The following ITGAV variants were observed in gnomAD, a reference collection of about 807,000 sequenced individuals.
The protein encoded by ITGAV is integrin alpha-V.
A neutral mutation model predicts 143.8 loss-of-function variants in ITGAV; 76 were observed. That is an observed-to-expected ratio of 0.53 (90% confidence interval 0.44 to 0.64). The LOEUF (loss-of-function observed/expected upper bound fraction) is 0.64. Among genes scored for constraint, ITGAV ranks in the 30% least tolerant of loss-of-function variants. The pLI is 0.00. For synonymous variants in ITGAV, 453 were observed against 446.7 expected, an observed-to-expected ratio of 1.01 and a Z score of -0.18; for missense variants, 1,193 against 1,274.7, an observed-to-expected ratio of 0.94 and a Z score of 0.98.
intron 12 of ITGAV, among the ~76,000 whole-genome samples, chr2:186,644,006 C>T (rs1331249988): frequency 1.3e-5 from 2 of 152,144 alleles, no homozygotes; most frequent in African/African-American, 4.8e-5. Context: ...TGCAGTGGTA[C>T]AATCACAGCT....
chr2:186,592,544 A>G (rs1686642201), intron 1 of ITGAV, among the ~76,000 whole-genome samples: 1 of 151,600 alleles, frequency 6.6e-6, no homozygotes, highest in Admixed American at 6.6e-5. Context: ...GTTTAGTGTA[A>G]GATAAATGAG....
At chr2:186,648,932 T>TTGTATATATATACATTTGTGTG (rs1688340008) in intron 13 of ITGAV, among the ~76,000 whole-genome samples, 3 of 148,734 alleles carry the variant, frequency 2.0e-5, no homozygotes, top group African/African-American at 7.4e-5. Context: ...ATATATACAT[T>TTGTATATATATACATTTGTGTG]TGTATATATA....
Position 186,675,842 on chromosome 2 carries a change from A to T in ITGAV, c.2843A>T (p.Tyr948Phe), listed in dbSNP as rs768433078. 3 of 1,605,544 alleles carry T rather than the reference A, an allele frequency of 1.9e-6. No individual in the cohort carries two copies. Among genetic ancestry groups the T allele is most frequent in the Non-Finnish European group, 2.6e-6 (3 of 1,174,494 alleles). The change falls in exon 28 of 30, where the codon TAT (tyrosine) becomes TTT (phenylalanine). Residue 948 changes from tyrosine (Y) to phenylalanine (F), a missense_variant. Physicochemically the swap from Tyr to Phe is conservative, Grantham distance 22. Transcript: ENST00000261023. ...CAGAAAGAAAATCAGAATCATTCCT[A>T]TTCTCTGAAGTCGTCTGCTTCATTT... ...FMNKENQNHS[Y>F]SLKSSASFNV... is the part of the protein sequence containing the mutation.
chr2:186,616,427 C>T (rs1235386671), intron 2 of ITGAV, among the ~76,000 whole-genome samples: 2 of 151,332 alleles, frequency 1.3e-5, no homozygotes, highest in Non-Finnish European at 2.9e-5. Context: ...TACAGGCGCC[C>T]GCCAGCACGC....
chr2:186,638,376 C>T (rs899011476), intron 9 of ITGAV, 33 bp from the exon 10 acceptor site: 2 of 1,604,284 alleles, frequency 1.2e-6, no homozygotes, highest in Admixed American at 1.7e-5. Context: ...TCTATTTTAC[C>T]AGATTTCACA....
Position 186,669,833 on chromosome 2 carries a change from A to G in ITGAV, c.2706+19A>G, listed in dbSNP as rs376794316. 9 of 1,469,804 alleles carry G rather than the reference A, an allele frequency of 6.1e-6. No individual in the cohort carries two copies. In the African/African-American group the frequency reaches 1.2e-4, roughly 20 times the overall value. The allele number at this position is 1,469,804 out of a possible 1,614,324, so 91.0% of individuals were successfully genotyped here. A position where few individuals can be genotyped will look rare whatever the true frequency, so the allele number is the denominator to read the frequency against. ...CACTTTGGTAAGTGCCATTTCAAAT[A>G]TGTGCACCATAGACATTTAAAAATA... On this transcript the variant is annotated intron_variant, in intron 26 of 29. Coordinates refer to ENST00000261023, the MANE Select transcript of ITGAV (RefSeq NM_002210.5).
intron 26 of ITGAV, 108 bp from the exon 27 acceptor site, chr2:186,675,496 G>T: frequency 4.2e-6 from 3 of 722,170 alleles, no homozygotes; most frequent in Non-Finnish European, 2.4e-6. Flanking sequence ...GAAGAATCTG[G>T]ATAATCTCTT....
intron 2 of ITGAV, among the ~76,000 whole-genome samples, chr2:186,618,552 A>G (rs534909053): frequency 5.9e-5 from 9 of 152,360 alleles, no homozygotes; most frequent in South Asian, 2.1e-4. Flanking sequence ...TTGCAAGCCT[A>G]TGCTGCTTGA....
chr2:186,616,336 T>C (rs1687359497), intron 2 of ITGAV, among the ~76,000 whole-genome samples: 1 of 141,016 alleles, frequency 7.1e-6, no homozygotes, highest in Non-Finnish European at 1.5e-5. Context: ...TGGAGTGCAG[T>C]GGCACGATCT....
intron 28 of ITGAV, 90 bp from the exon 29 acceptor site, chr2:186,676,723 T>G: frequency 2.3e-6 from 3 of 1,331,950 alleles, no homozygotes; most frequent in Non-Finnish European, 3.1e-6. Flanking sequence ...TACTGTGAAT[T>G]CCATTAAAAT....
intron 21 of ITGAV, among the ~76,000 whole-genome samples, chr2:186,665,555 T>C (rs1688873473): frequency 6.6e-6 from 1 of 152,178 alleles, no homozygotes; most frequent in Non-Finnish European, 1.5e-5. Flanking sequence ...CTCTGGCAAC[T>C]ACCAAGACTG....
intron 1 of ITGAV, 45 bp downstream of exon 1, chr2:186,590,568 G>A (rs368751308): frequency 7.3e-5 from 113 of 1,542,664 alleles, no homozygotes; most frequent in Non-Finnish European, 9.9e-5. Flanking sequence ...CTCCCCCACC[G>A]CGCGCACCCA....
intron 2 of ITGAV, among the ~76,000 whole-genome samples, chr2:186,603,791 C>G (rs965478233): frequency 6.6e-6 from 1 of 151,424 alleles, no homozygotes; most frequent in African/African-American, 2.4e-5. Flanking sequence ...CATGGTAAAA[C>G]AAATTTTAAA....
At chr2:186,646,912 T>C (rs1402314903) in intron 13 of ITGAV, 35 bp downstream of exon 13, 12 of 1,413,034 alleles carry the variant, frequency 8.5e-6, no homozygotes, top group Non-Finnish European at 1.1e-5. Flanking sequence ...CCCTTAGATT[T>C]TTCAGTCCTA....
Position 186,663,766 on chromosome 2 carries a change from AG to A in ITGAV, c.1858del. ...GTAGAAAAATAAAATGTTTTTTTCT[AG>A]GCTCACATTCTACTTGACTGTGGTG... On this transcript the variant is annotated splice_acceptor_variant, in intron 18 of 29. Transcript: ENST00000261023. LOFTEE classifies it high-confidence loss of function. The A allele has an allele frequency of 6.2e-7, 1 of 1,609,204 alleles. No homozygotes were observed. Among genetic ancestry groups the A allele is most frequent in the Non-Finnish European group, 8.5e-7 (1 of 1,176,244 alleles).
chr2:186,676,030 AT>A (rs1689199931), intron 28 of ITGAV, 103 bp downstream of exon 28: 1 of 663,954 alleles, frequency 1.5e-6, no homozygotes, highest in Non-Finnish European at 2.6e-6. Context: ...TTTTTTGATA[AT>A]TTAAACTAAT....
intron 18 of ITGAV, among the ~76,000 whole-genome samples, chr2:186,662,826 G>A (rs554138659): frequency 5.9e-5 from 9 of 151,856 alleles, no homozygotes; most frequent in East Asian, 1.9e-4. Flanking sequence ...CCTTAATTCC[G>A]GACATTCCTT....
intron 2 of ITGAV, among the ~76,000 whole-genome samples, chr2:186,605,903 C>CATATAT: frequency 4.9e-5 from 1 of 20,604 alleles, no homozygotes. Flanking sequence ...ATATGTATAT[C>CATATAT]TTTTGTCCCT....
intron 17 of ITGAV, 98 bp from the exon 18 acceptor site, chr2:186,658,940 C>T: frequency 1.3e-6 from 1 of 743,306 alleles, no homozygotes; most frequent in Non-Finnish European, 2.1e-6. Context: ...ATTGAAGGCT[C>T]AGGGATGAAT....
Sources: gnomAD v4.1 joint callset for allele counts (sites outside exome capture counted in the v4.1 genomes callset) on GRCh38, gnomAD v4.1.1 for gene constraint, MANE v1.5 for transcripts, NCBI Gene and HGNC (gene_info 2026-07-23, HGNC 2026-07-21) for gene names.